Variants in CRIM1 observed in about 807,000 individuals in gnomAD.
CRIM1 encodes cysteine-rich motor neuron 1 protein.
A neutral mutation model predicts 116.4 loss-of-function variants in CRIM1; 32 were observed. That is an observed-to-expected ratio of 0.27 (90% CI 0.21 to 0.37). CRIM1 has a LOEUF of 0.37. Among genes scored for constraint, CRIM1 ranks in the 10% least tolerant of loss-of-function variants. The probability of loss-of-function intolerance (pLI) is 1.00; values close to 1 mark genes in which losing one functional copy is unlikely to be tolerated. For missense variants in CRIM1, 1,331 were observed against 1,354.8 expected, an observed-to-expected ratio of 0.98 and a Z score of 0.28; for synonymous variants, 590 against 509.2, an observed-to-expected ratio of 1.16 and a Z score of -2.13.
At chr2:36,462,201 G>C (rs1051672337) in intron 4 of CRIM1, among the ~76,000 whole-genome samples, 6 of 151,770 alleles carry the variant, frequency 4.0e-5, no homozygotes, top group African/African-American at 1.5e-4. Flanking sequence ...AACTTGTAAG[G>C]GACTTTAAAA....
At chr2:36,414,598 GTCTC>G (rs957865987) in intron 2 of CRIM1, among the ~76,000 whole-genome samples, 5 of 152,204 alleles carry the variant, frequency 3.3e-5, no homozygotes, top group African/African-American at 1.2e-4. Context: ...GCTTGAGAAA[GTCTC>G]TCCTCTGAAG....
chr2:36,511,214 T>G (rs1249701549), intron 9 of CRIM1, among the ~76,000 whole-genome samples: 1 of 152,230 alleles, frequency 6.6e-6, no homozygotes, highest in African/African-American at 2.4e-5. Flanking sequence ...GTGCTGGGAT[T>G]ACAGGCATGA....
intron 7 of CRIM1, among the ~76,000 whole-genome samples, chr2:36,486,662 A>G (rs1313029894): frequency 1.3e-5 from 2 of 152,118 alleles, no homozygotes; most frequent in Admixed American, 6.5e-5. Context: ...TCTACTTCCC[A>G]TACCTAAAAG....
At chr2:36,447,416 C>T (rs891951652) in intron 4 of CRIM1, among the ~76,000 whole-genome samples, 1 of 152,144 alleles carries the variant, frequency 6.6e-6, no homozygotes, top group Non-Finnish European at 1.5e-5. Context: ...AACAACCGCC[C>T]CAAAAGAAGT....
chr2:36,358,883 A>G (rs1005611033), intron 1 of CRIM1, among the ~76,000 whole-genome samples: 15 of 152,204 alleles, frequency 9.9e-5, no homozygotes, highest in African/African-American at 3.4e-4. Context: ...GATATTTTCA[A>G]TCGTGTGTTT....
chr2:36,504,768 T>C (rs1336444705), intron 8 of CRIM1, among the ~76,000 whole-genome samples: 1 of 152,252 alleles, frequency 6.6e-6, no homozygotes, highest in African/African-American at 2.4e-5. Flanking sequence ...CTTTTGCTAA[T>C]AGACGTAATA....
chr2:36,385,503 T>C (rs980747663), intron 1 of CRIM1, among the ~76,000 whole-genome samples: 1 of 152,026 alleles, frequency 6.6e-6, no homozygotes, highest in Non-Finnish European at 1.5e-5. Flanking sequence ...TATTGGTGGG[T>C]TTTCAGTTCT....
chr2:36,509,617 C>T (rs865824559), intron 8 of CRIM1, among the ~76,000 whole-genome samples: 2 of 152,090 alleles, frequency 1.3e-5, no homozygotes, highest in Non-Finnish European at 2.9e-5. Flanking sequence ...TTCTAATTCC[C>T]ACATAATGTA....
intron 1 of CRIM1, among the ~76,000 whole-genome samples, chr2:36,390,512 G>A (rs1221930991): frequency 1.3e-5 from 2 of 152,070 alleles, no homozygotes; most frequent in Non-Finnish European, 2.9e-5. Context: ...TTTTCATGTG[G>A]AACGGTGTTA....
At chr2:36,548,015 G>A (rs181373932) in intron 16 of CRIM1, among the ~76,000 whole-genome samples, 87 of 152,252 alleles carry the variant, frequency 5.7e-4, no homozygotes, top group African/African-American at 2.0e-3. Flanking sequence ...TTGAACAAAT[G>A]TACATTGGGC....
intron 2 of CRIM1, among the ~76,000 whole-genome samples, chr2:36,430,567 G>C (rs893164510): frequency 2.0e-5 from 3 of 152,176 alleles, no homozygotes; most frequent in Non-Finnish European, 2.9e-5. Flanking sequence ...AGTCGTGGTG[G>C]ATACCCAAAG....
chr2:36,377,212 C>G (rs1670392342), intron 1 of CRIM1, among the ~76,000 whole-genome samples: 1 of 152,216 alleles, frequency 6.6e-6, no homozygotes, highest in Non-Finnish European at 1.5e-5. Flanking sequence ...GCTGGCTCTG[C>G]CCTCTTGGCC....
At chr2:36,531,438 TACA>T (rs1388319841) in intron 13 of CRIM1, among the ~76,000 whole-genome samples, 1 of 151,770 alleles carries the variant, frequency 6.6e-6, no homozygotes, top group African/African-American at 2.4e-5. Context: ...ATGTATATCC[TACA>T]TCATGGTCAG....
chr2:36,546,647 A>ATCAAAATAT (rs1558425853), intron 15 of CRIM1, among the ~76,000 whole-genome samples: 1 of 152,062 alleles, frequency 6.6e-6, no homozygotes, highest in Non-Finnish European at 1.5e-5. Context: ...GTTAACAGTA[A>ATCAAAATAT]TCAAAATATT....
At chr2:36,393,178 A>C (rs1027452207) in intron 1 of CRIM1, among the ~76,000 whole-genome samples, 4 of 152,186 alleles carry the variant, frequency 2.6e-5, no homozygotes, top group African/African-American at 9.7e-5. Context: ...AAGAAGTTGA[A>C]GTCTTAGAGC....
intron 4 of CRIM1, among the ~76,000 whole-genome samples, chr2:36,448,470 A>G (rs976992185): frequency 6.6e-6 from 1 of 152,224 alleles, no homozygotes; most frequent in African/African-American, 2.4e-5. Context: ...CTAATTTTAC[A>G]GACTCTTCAC....
At chr2:36,454,695 G>A (rs1440541361) in intron 4 of CRIM1, among the ~76,000 whole-genome samples, 1 of 152,046 alleles carries the variant, frequency 6.6e-6, no homozygotes, top group African/African-American at 2.4e-5. Context: ...TTTAAAAACT[G>A]GCATACTTCA....
chr2:36,492,939 C>T (rs1365648039), intron 7 of CRIM1, among the ~76,000 whole-genome samples: 10 of 152,116 alleles, frequency 6.6e-5, no homozygotes, highest in Non-Finnish European at 1.0e-4. Flanking sequence ...TCATTTTTGT[C>T]TCTCATAATC....
chr2:36,434,005 A>G (rs1675099203), intron 2 of CRIM1, among the ~76,000 whole-genome samples: 2 of 152,154 alleles, frequency 1.3e-5, no homozygotes, highest in Admixed American at 6.5e-5. Context: ...CAACAAGTCT[A>G]ATTTTTTCCC....
Sources: allele counts gnomAD v4.1 joint callset (sites outside exome capture counted in the v4.1 genomes callset), GRCh38; gene constraint gnomAD v4.1.1; transcripts MANE v1.5; gene names NCBI Gene and HGNC (gene_info 2026-07-23, HGNC 2026-07-21).